The following NACC2 variants were observed in gnomAD, a reference collection of about 807,000 sequenced individuals.
NACC2 encodes the protein NACC family member 2, also known as nucleus accumbens-associated protein 2.
Under a neutral mutation model 25.1 loss-of-function variants are expected in NACC2, and 8 were observed. The ratio of observed to expected loss-of-function variants is 0.32; its 90% CI spans 0.19 to 0.57. The LOEUF is 0.57. Ranked by LOEUF, NACC2 falls within the 20% of genes least tolerant of loss-of-function variation. The pLI, the probability that NACC2 is intolerant of heterozygous loss-of-function variation, is 0.89. For missense variants in NACC2, 644 were observed against 650.2 expected, an observed-to-expected ratio of 0.99 and a Z score of 0.10; for synonymous variants, 435 against 294.7, an observed-to-expected ratio of 1.48 and a Z score of -4.88.
At position 136,036,329 on chromosome 9, in the gene NACC2, CA is replaced by C. The variant is rs1487234821; in HGVS notation, c.886+13306del. Among the ~76,000 whole-genome samples the C allele has an allele frequency of 2.6e-5, 4 of 152,020 alleles. No individual in the cohort carries two copies. In the East Asian group the frequency reaches 7.7e-4, roughly 29 times the overall value. On this transcript the variant is annotated intron_variant, in intron 2 of 5. Transcript: ENST00000277554. ...AACTTGGAGATGCTCAACAATGTAA[CA>C]ATTACAATGTCCAGCATCTATTAAA...
rs1490037558 is a variant in NACC2, at chr9:136,027,150, G to A, written c.887-10721C>T. Among the ~76,000 whole-genome samples, 18 of 152,276 alleles carry A rather than the reference G, an allele frequency of 1.2e-4. No individual in the cohort carries two copies. In the East Asian group the frequency reaches 1.7e-3, roughly 15 times the overall value. Reference sequence around the variant, plus strand: ...TGAGGCACAAGAATTGCTAGAACCCGGGAGGCGGAGGTTGCAGTGAGCCGA... The same window carrying A: ...TGAGGCACAAGAATTGCTAGAACCCAGGAGGCGGAGGTTGCAGTGAGCCGA... On this transcript the variant is annotated intron_variant, in intron 2 of 5. Coordinates refer to ENST00000277554, the MANE Select transcript of NACC2 (RefSeq NM_144653.5).
At chr9:136,012,670 T>C (rs998061949) in intron 5 of NACC2, among the ~76,000 whole-genome samples, 5 of 151,462 alleles carry the variant, frequency 3.3e-5, no homozygotes, top group South Asian at 2.1e-4. Flanking sequence ...TTTTTTTTTT[T>C]TTTCTTTTTT....
chr9:136,021,047 T>G (rs937412427), intron 2 of NACC2, among the ~76,000 whole-genome samples: 22 of 151,932 alleles, frequency 1.4e-4, no homozygotes, highest in Admixed American at 1.2e-3. Context: ...CTAGAATTCA[T>G]CAGAATGAAA....
chr9:136,012,541 C>T (rs953494525), intron 5 of NACC2, among the ~76,000 whole-genome samples: 3 of 152,230 alleles, frequency 2.0e-5, no homozygotes, highest in African/African-American at 2.4e-5. Flanking sequence ...ACGTCCACCT[C>T]GGTCCCTCCC....
chr9:136,091,803 G>A (rs1173040622), intron 1 of NACC2, among the ~76,000 whole-genome samples: 1 of 151,768 alleles, frequency 6.6e-6, no homozygotes, highest in Non-Finnish European at 1.5e-5. Context: ...CTCACCAAGA[G>A]CCAGGGCTGG....
chr9:136,079,826 C>T (rs772693604), intron 1 of NACC2, among the ~76,000 whole-genome samples: 2 of 152,222 alleles, frequency 1.3e-5, no homozygotes, highest in Non-Finnish European at 2.9e-5. Context: ...AGGCAGCAGC[C>T]GGGGAAGTCT....
intron 1 of NACC2, among the ~76,000 whole-genome samples, chr9:136,075,324 G>C (rs138183467): frequency 9.2e-5 from 14 of 152,228 alleles, no homozygotes; most frequent in East Asian, 1.9e-4. Context: ...GGGATACTTG[G>C]GGGGAAAGCC....
At chr9:136,051,453 C>G (rs1462193931) in intron 1 of NACC2, among the ~76,000 whole-genome samples, 1 of 152,194 alleles carries the variant, frequency 6.6e-6, no homozygotes, top group Non-Finnish European at 1.5e-5. Context: ...CGCCGGGCTG[C>G]CCGGACCCCG....
chr9:136,037,016 G>GATA (rs1438630295), intron 2 of NACC2, among the ~76,000 whole-genome samples: 5 of 152,132 alleles, frequency 3.3e-5, no homozygotes, highest in Non-Finnish European at 7.4e-5. Flanking sequence ...GAAGAACATA[G>GATA]ATAAGGATGA....
chr9:136,030,956 C>A (rs941826148), intron 2 of NACC2, among the ~76,000 whole-genome samples: 1 of 152,094 alleles, frequency 6.6e-6, no homozygotes, highest in African/African-American at 2.4e-5. Flanking sequence ...CCACCGTGCC[C>A]GGCCAATACA....
intron 1 of NACC2, among the ~76,000 whole-genome samples, chr9:136,091,309 G>A (rs1054634092): frequency 9.9e-5 from 15 of 152,234 alleles, no homozygotes; most frequent in African/African-American, 3.6e-4. Context: ...CTCTGTAGCA[G>A]GACGGCCTCA....
At chr9:136,039,105 A>G (rs1840594309) in intron 2 of NACC2, among the ~76,000 whole-genome samples, 1 of 152,226 alleles carries the variant, frequency 6.6e-6, no homozygotes, top group African/African-American at 2.4e-5. Context: ...AGACACAGGT[A>G]AGTTAAAAGC....
intron 2 of NACC2, among the ~76,000 whole-genome samples, chr9:136,017,480 A>C (rs1840220901): frequency 6.6e-6 from 1 of 152,096 alleles, no homozygotes; most frequent in Non-Finnish European, 1.5e-5. Flanking sequence ...AATCCTGCCC[A>C]GCAATGCCTG....
At chr9:136,063,793 G>T (rs1841044341) in intron 1 of NACC2, among the ~76,000 whole-genome samples, 1 of 149,906 alleles carries the variant, frequency 6.7e-6, no homozygotes, top group Non-Finnish European at 1.5e-5. Context: ...TGAGGTAGGA[G>T]AATCACTTGA....
chr9:136,017,072 G>A (rs111780094), intron 2 of NACC2, among the ~76,000 whole-genome samples: 1,612 of 152,214 alleles, frequency 0.011, 33 homozygotes, highest in African/African-American at 0.035. Flanking sequence ...CTGGCCTGAC[G>A]AGGAGCAACT....
Position 136,010,014 on chromosome 9 carries a change from A to G in NACC2, c.*1502T>C, listed in dbSNP as rs1320882325. ...CTGGACAAGGACACAGGCCTCCAAAACAAAAGGGAGGGACACCTGGGTAGG... is the reference window on the plus strand; with the variant it reads ...CTGGACAAGGACACAGGCCTCCAAAGCAAAAGGGAGGGACACCTGGGTAGG... On this transcript the variant is annotated 3_prime_UTR_variant, in exon 6 of 6. Transcript: ENST00000277554. This position sits in a 1 kb window ranked among gnomAD's most constrained non-coding sequence, Gnocchi z 4.9. 6.6e-6 allele frequency: 1 copy of G among 152,138 alleles called. No individual in the cohort carries two copies. Among genetic ancestry groups the G allele is most frequent in the African/African-American group, 2.4e-5 (1 of 41,378 alleles). The allele number at this position is 152,138 out of a possible 1,614,324, so 9.4% of individuals were successfully genotyped here. A position where few individuals can be genotyped will look rare whatever the true frequency, so the allele number is the denominator to read the frequency against.
At chr9:136,090,376 CCT>C (rs142611363) in intron 1 of NACC2, among the ~76,000 whole-genome samples, 6,913 of 152,324 alleles carry the variant, frequency 0.045, 185 homozygotes, top group Non-Finnish European at 0.063. Context: ...ACAGCTGCCC[CCT>C]GACTCTAGGC....
chr9:136,073,938 A>C (rs1830227733), intron 1 of NACC2, among the ~76,000 whole-genome samples: 1 of 151,976 alleles, frequency 6.6e-6, no homozygotes. Flanking sequence ...CTGAAAGCAG[A>C]CCCTGGCTCT....
In NACC2 at chr9:136,018,550, C is replaced by A. The variant is rs942403595; in HGVS notation, c.887-2121G>T. Among the ~76,000 whole-genome samples the A allele has an allele frequency of 6.6e-6, 1 of 152,072 alleles. No homozygotes were observed. Among genetic ancestry groups the A allele is most frequent in the African/African-American group, 2.4e-5 (1 of 41,400 alleles). On this transcript the variant is annotated intron_variant, in intron 2 of 5. Transcript: ENST00000277554. This position sits in a 1 kb window ranked among gnomAD's most constrained non-coding sequence, Gnocchi z 4.4. ...CAGGGACCCACTGGCCCAGGATGAG[C>A]GTGGTACGCACTGCACCTGTCAGTC...
Sources: allele counts gnomAD v4.1 joint callset (sites outside exome capture counted in the v4.1 genomes callset), GRCh38; gene constraint gnomAD v4.1.1; non-coding constraint Gnocchi (gnomAD v3.1); transcripts MANE v1.5; gene names NCBI Gene and HGNC (gene_info 2026-07-23, HGNC 2026-07-21).